The following MSRA variants were observed in gnomAD, a reference collection of about 807,000 sequenced individuals.
MSRA encodes the protein mitochondrial peptide methionine sulfoxide reductase.
MSRA carries 54 observed loss-of-function variants against 31.3 expected under a neutral mutation model. The ratio of observed to expected loss-of-function variants is 1.73; its 90% CI spans 1.39 to 2.17. The LOEUF is 2.17. Ranked by LOEUF, MSRA falls within the 30% of genes most tolerant of loss-of-function variation. MSRA has a pLI of 0.00. For synonymous variants in MSRA, 169 were observed against 116.5 expected, an observed-to-expected ratio of 1.45 and a Z score of -2.90; for missense variants, 507 against 300.9, an observed-to-expected ratio of 1.69 and a Z score of -5.07.
intron 5 of MSRA, among the ~76,000 whole-genome samples, chr8:10,363,738 C>CCACACACACACACACA (rs71203319): frequency 0.096 from 9,874 of 103,164 alleles, 954 homozygotes; most frequent in Non-Finnish European, 0.12. Context: ...GATGCAGTCA[C>CCACACACACACACACA]CACACACACA....
intron 5 of MSRA, among the ~76,000 whole-genome samples, chr8:10,354,734 A>ATGTGTG (rs138610974): frequency 1.3e-4 from 18 of 134,846 alleles, no homozygotes; most frequent in Non-Finnish European, 2.5e-4. Flanking sequence ...GTTATGTAAT[A>ATGTGTG]TGTGTGTGTG....
chr8:10,235,594 C>G (rs1811870724), intron 2 of MSRA, among the ~76,000 whole-genome samples: 1 of 152,008 alleles, frequency 6.6e-6, no homozygotes, highest in Non-Finnish European at 1.5e-5. Flanking sequence ...CAGTGAAACC[C>G]AAGGTTTGCT....
chr8:10,325,015 A>G (rs897558812), intron 5 of MSRA, among the ~76,000 whole-genome samples: 1 of 152,182 alleles, frequency 6.6e-6, no homozygotes, highest in African/African-American at 2.4e-5. Flanking sequence ...AAAGCTGCAC[A>G]AAGTGAATGG....
At chr8:10,170,870 G>A (rs1805531492) in intron 1 of MSRA, among the ~76,000 whole-genome samples, 1 of 152,238 alleles carries the variant, frequency 6.6e-6, no homozygotes, top group South Asian at 2.1e-4. Context: ...CATGTCTTCT[G>A]CGAATAATGA....
intron 3 of MSRA, among the ~76,000 whole-genome samples, chr8:10,276,459 C>T (rs1009783671): frequency 2.0e-5 from 3 of 152,206 alleles, no homozygotes; most frequent in Admixed American, 1.3e-4. Context: ...CCTCACAATG[C>T]AGCTTAAATT....
At chr8:10,394,734 A>G (rs114052108) in intron 5 of MSRA, among the ~76,000 whole-genome samples, 253 of 152,370 alleles carry the variant, frequency 1.7e-3, no homozygotes, top group African/African-American at 6.0e-3. Context: ...AGCAGATTGT[A>G]TCAGCTGCTT....
intron 5 of MSRA, among the ~76,000 whole-genome samples, chr8:10,407,427 G>C (rs1252174461): frequency 6.6e-6 from 1 of 152,166 alleles, no homozygotes; most frequent in East Asian, 1.9e-4. Context: ...TGAGGGTGGA[G>C]GTGGATTTGT....
intron 5 of MSRA, among the ~76,000 whole-genome samples, chr8:10,401,138 T>C (rs1458154128): frequency 6.6e-6 from 1 of 151,210 alleles, no homozygotes; most frequent in African/African-American, 2.4e-5. Context: ...ACAGAAAATG[T>C]TAGCAAATCA....
chr8:10,407,905 A>G lies in MSRA; in HGVS notation c.544-20243A>G, dbSNP rs182963346. Among the ~76,000 whole-genome samples the G allele has an allele frequency of 2.0e-5, 3 of 152,342 alleles. No individual in the cohort carries two copies. The East Asian group carries it at 5.8e-4, about 29-fold the overall frequency. ...AAGTATCAATTCTGAGAATTTCATT[A>G]AGGATCACATCAATCTTTAAGCTAC... On this transcript the variant is annotated intron_variant, in intron 5 of 5. Transcript: ENST00000317173.
At chr8:10,423,512 G>A (rs376164603) in intron 5 of MSRA, among the ~76,000 whole-genome samples, 18 of 152,046 alleles carry the variant, frequency 1.2e-4, no homozygotes, top group African/African-American at 3.6e-4. Context: ...GGGGTGGGGC[G>A]GGGAGGGGGG....
chr8:10,252,141 C>G (rs1482631720), intron 3 of MSRA, among the ~76,000 whole-genome samples: 1 of 152,214 alleles, frequency 6.6e-6, no homozygotes, highest in African/African-American at 2.4e-5. Flanking sequence ...ACCTCCAAGA[C>G]TGCTTTCTTT....
intron 2 of MSRA, among the ~76,000 whole-genome samples, chr8:10,213,432 CTTTTTTTTTTT>C (rs1198665886): frequency 7.8e-5 from 6 of 76,738 alleles, no homozygotes; most frequent in South Asian, 5.5e-4. Context: ...ACCACACTTT[CTTTTTTTTTTT>C]TTTTTTTTTT....
At chr8:10,113,289 C>CCTTTTTTTTTTTTT (rs1554447231) in intron 1 of MSRA, among the ~76,000 whole-genome samples, 3 of 50,904 alleles carry the variant, frequency 5.9e-5, no homozygotes, top group Admixed American at 5.9e-4. Flanking sequence ...GAAGACAGGT[C>CCTTTTTTTTTTTTT]TTCTTTTTTT....
intron 5 of MSRA, among the ~76,000 whole-genome samples, chr8:10,339,145 G>C (rs1803246922): frequency 6.6e-6 from 1 of 152,114 alleles, no homozygotes; most frequent in South Asian, 2.1e-4. Context: ...TCTCCTCTCT[G>C]GTCCCTGCCT....
intron 5 of MSRA, among the ~76,000 whole-genome samples, chr8:10,402,907 G>C (rs1224492937): frequency 6.6e-6 from 1 of 152,160 alleles, no homozygotes. Context: ...CTGCTATTTG[G>C]AGGCATTTAC....
intron 5 of MSRA, among the ~76,000 whole-genome samples, chr8:10,398,253 A>G (rs1807225817): frequency 6.6e-6 from 1 of 152,222 alleles, no homozygotes; most frequent in Non-Finnish European, 1.5e-5. Flanking sequence ...GGGGTAAGCC[A>G]TTCCATTATC....
chr8:10,296,421 A>G (rs1253322045), intron 3 of MSRA, among the ~76,000 whole-genome samples: 1 of 152,076 alleles, frequency 6.6e-6, no homozygotes, highest in East Asian at 1.9e-4. Context: ...CCCACAGATG[A>G]CCTCATTTAA....
intron 3 of MSRA, among the ~76,000 whole-genome samples, chr8:10,273,028 A>T (rs956121996): frequency 6.6e-6 from 1 of 152,220 alleles, no homozygotes. Context: ...ATGGTTTGTG[A>T]AAAAGTAGAC....
intron 5 of MSRA, among the ~76,000 whole-genome samples, chr8:10,419,167 T>G (rs1422875426): frequency 1.3e-5 from 2 of 152,160 alleles, no homozygotes; most frequent in Non-Finnish European, 2.9e-5. Context: ...AGAATTCCTA[T>G]ACAAGGTTCT....
Sources: allele counts gnomAD v4.1 joint callset (sites outside exome capture counted in the v4.1 genomes callset), GRCh38; gene constraint gnomAD v4.1.1; transcripts MANE v1.5; gene names NCBI Gene and HGNC (gene_info 2026-07-23, HGNC 2026-07-21).